ATP8B4: variants seen among roughly 807,000 people sequenced by gnomAD.
The protein encoded by ATP8B4 is probable phospholipid-transporting ATPase IM.
ATP8B4 carries 133 observed loss-of-function variants against 145.6 expected under a neutral mutation model. The ratio of observed to expected loss-of-function variants is 0.91; its 90% CI spans 0.79 to 1.05. ATP8B4 has a LOEUF of 1.05. Ranked by LOEUF, ATP8B4 falls within the 50% of genes least tolerant of loss-of-function variation. The pLI is 0.00. For missense variants in ATP8B4, 1,458 were observed against 1,425.2 expected (o/e 1.02, Z -0.37); for synonymous variants, 507 against 492.9 (o/e 1.03, Z -0.38).
intron 1 of ATP8B4, among the ~76,000 whole-genome samples, chr15:50,130,100 C>A (rs2057335869): frequency 6.6e-6 from 1 of 152,134 alleles, no homozygotes; most frequent in Non-Finnish European, 1.5e-5. Flanking sequence ...AATGTTGAGG[C>A]CTTTTCACAG....
intron 20 of ATP8B4, chr15:49,902,343 G>A (rs2038129472): frequency 6.6e-6 from 1 of 152,210 alleles, no homozygotes; most frequent in African/African-American, 2.4e-5. Context: ...TCCTCTGAAA[G>A]AAGAGAATGT....
At chr15:49,882,423 G>C (rs570853712) in intron 23 of ATP8B4, among the ~76,000 whole-genome samples, 10 of 152,088 alleles carry the variant, frequency 6.6e-5, no homozygotes, top group African/African-American at 2.4e-4. Flanking sequence ...TCGTGCAGTG[G>C]GATACATATA....
chr15:49,963,015 A>G (rs1007455954), intron 13 of ATP8B4, among the ~76,000 whole-genome samples: 1 of 152,326 alleles, frequency 6.6e-6, no homozygotes, highest in South Asian at 2.1e-4. Flanking sequence ...CAATCTATCC[A>G]TCTGACAAAG....
intron 14 of ATP8B4, among the ~76,000 whole-genome samples, chr15:49,953,428 A>C (rs114320353): frequency 0.019 from 2,893 of 152,268 alleles, 87 homozygotes; most frequent in African/African-American, 0.067. Context: ...GAGATCCTAC[A>C]GGGAAGCCCA....
chr15:49,997,219 C>T (rs984943514), intron 8 of ATP8B4, among the ~76,000 whole-genome samples: 1 of 152,038 alleles, frequency 6.6e-6, no homozygotes, highest in Non-Finnish European at 1.5e-5. Flanking sequence ...GGGAATACAG[C>T]TTTCATTTTC....
chr15:50,132,128 A>C (rs1056779271), intron 1 of ATP8B4, among the ~76,000 whole-genome samples: 1 of 152,186 alleles, frequency 6.6e-6, no homozygotes, highest in Non-Finnish European at 1.5e-5. Context: ...AAAATAAACA[A>C]GTTATTGGCA....
intron 6 of ATP8B4, among the ~76,000 whole-genome samples, chr15:50,014,521 C>A (rs1389552100): frequency 6.6e-6 from 1 of 152,144 alleles, no homozygotes. Flanking sequence ...TTAGTGCTTA[C>A]TGCATTCCAG....
At chr15:50,175,280 C>A (rs1398789566) in intron 1 of ATP8B4, among the ~76,000 whole-genome samples, 1 of 152,050 alleles carries the variant, frequency 6.6e-6, no homozygotes, top group African/African-American at 2.4e-5. Context: ...GCAATAAAAA[C>A]AAAGATAAAT....
At chr15:50,119,629 C>T (rs1002592653), upstream of ATP8B4, among the ~76,000 whole-genome samples, 6 of 152,030 alleles carry the variant, frequency 3.9e-5, no homozygotes, top group African/African-American at 1.4e-4. Context: ...TGGAAGGGGA[C>T]ACCGGCTACC....
chr15:50,007,315 C>T (rs1490969101), intron 7 of ATP8B4, among the ~76,000 whole-genome samples: 1 of 152,178 alleles, frequency 6.6e-6, no homozygotes, highest in African/African-American at 2.4e-5. Flanking sequence ...AAGCCAAGAG[C>T]CCCTAACTCT....
At chr15:50,152,320 T>C (rs1217680134) in intron 1 of ATP8B4, among the ~76,000 whole-genome samples, 1 of 152,174 alleles carries the variant, frequency 6.6e-6, no homozygotes, top group Non-Finnish European at 1.5e-5. Context: ...CAATCAGCAA[T>C]TGGCAAGAAA....
chr15:50,029,255 A>AAAAAAAACAAAAAAAAAAAAAC lies in ATP8B4; in HGVS notation c.362+9512_362+9513insGTTTTTTTTTTTTTGTTTTTTT, dbSNP rs776952913. ...CTCCATCTTAAAAAAAAAAAAAAAA[A>AAAAAAAACAAAAAAAAAAAAAC]AACAGAAAAATACAGCAGAATTTTA... is the stretch of plus-strand genomic sequence containing the variant. On this transcript the variant is annotated intron_variant, in intron 6 of 27. Transcript: ENST00000284509. 1.4e-5 allele frequency among the ~76,000 whole-genome samples: 2 copies of AAAAAAAACAAAAAAAAAAAAAC among 141,164 alleles called. 1 individual carries two copies. The highest frequency in any genetic ancestry group is 3.2e-5 in the Non-Finnish European group (2 of 62,264). The allele number at this position is 141,164 out of a possible 152,430, so 92.6% of individuals were successfully genotyped here. A position where few individuals can be genotyped will look rare whatever the true frequency, so the allele number is the denominator to read the frequency against.
chr15:49,911,945 A>G (rs184686726), intron 20 of ATP8B4, among the ~76,000 whole-genome samples: 3 of 152,318 alleles, frequency 2.0e-5, no homozygotes, highest in East Asian at 3.9e-4. Flanking sequence ...TGGGCCAATG[A>G]AAAAAGTAAG....
At chr15:50,158,805 C>A (rs929502477) in intron 1 of ATP8B4, among the ~76,000 whole-genome samples, 1 of 151,648 alleles carries the variant, frequency 6.6e-6, no homozygotes, top group Non-Finnish European at 1.5e-5. Flanking sequence ...ATGACCTTAC[C>A]CCCAACCCTG....
intron 3 of ATP8B4, among the ~76,000 whole-genome samples, chr15:50,054,426 C>T (rs186288915): frequency 2.7e-4 from 41 of 152,310 alleles, no homozygotes; most frequent in Non-Finnish European, 4.0e-4. Flanking sequence ...ATGGCTATTG[C>T]AACCAGTAAT....
At chr15:50,081,225 C>A (rs2153642188) in intron 2 of ATP8B4, among the ~76,000 whole-genome samples, 1 of 152,142 alleles carries the variant, frequency 6.6e-6, no homozygotes, top group East Asian at 1.9e-4. Context: ...TTAACTCATA[C>A]CTCTCCTTAC....
intron 14 of ATP8B4, among the ~76,000 whole-genome samples, chr15:49,934,434 G>C (rs2041559978): frequency 6.6e-6 from 1 of 151,968 alleles, no homozygotes; most frequent in Non-Finnish European, 1.5e-5. Context: ...TGGCTGTACA[G>C]ATCCTCAAAT....
At chr15:49,946,682 C>CTTATTATA (rs1051460852) in intron 14 of ATP8B4, among the ~76,000 whole-genome samples, 10 of 152,070 alleles carry the variant, frequency 6.6e-5, no homozygotes, top group Non-Finnish European at 1.2e-4. Context: ...GCCCTCCTAA[C>CTTATTATA]TTATTATACC....
intron 1 of ATP8B4, among the ~76,000 whole-genome samples, chr15:50,153,456 CAT>C (rs1297823414): frequency 3.4e-4 from 52 of 152,142 alleles, no homozygotes; most frequent in Admixed American, 8.5e-4. Flanking sequence ...CTCCTGCCTC[CAT>C]CTCCTGAGTA....
Sources: gnomAD v4.1 joint callset for allele counts (sites outside exome capture counted in the v4.1 genomes callset) on GRCh38, gnomAD v4.1.1 for gene constraint, MANE v1.5 for transcripts, NCBI Gene and HGNC (gene_info 2026-07-23, HGNC 2026-07-21) for gene names.